The following AUTS2 variants were observed in gnomAD, a reference collection of about 807,000 sequenced individuals.
AUTS2 encodes activator of transcription and developmental regulator AUTS2, also known as autism susceptibility gene 2 protein.
In AUTS2, 17 loss-of-function variants were observed where a neutral mutation model predicts 112.4. The ratio of observed to expected loss-of-function variants is 0.15; its 90% CI spans 0.10 to 0.23. The LOEUF (loss-of-function observed/expected upper bound fraction) is 0.23, where lower values mean the gene tolerates loss of function less well. AUTS2 is among the 10% of genes least tolerant of loss of function. AUTS2 has a pLI of 1.00. For missense variants in AUTS2, 1,510 were observed against 1,701.6 expected (o/e 0.89, Z 1.98); for synonymous variants, 751 against 702.7 (o/e 1.07, Z -1.09).
In AUTS2 at chr7:70,124,117, T is replaced by G. The variant is rs191165545; in HGVS notation, c.624+5884T>G. On this transcript the variant is annotated intron_variant, in intron 3 of 18. Coordinates refer to ENST00000342771, the MANE Select transcript of AUTS2 (RefSeq NM_015570.4). ...CTCTGATGATCAGTGATATTGAGCT[T>G]TTTTTGTATAGGCTTGTTGGCTGCA... Among the ~76,000 whole-genome samples, 132 of 152,322 alleles carry G rather than the reference T, an allele frequency of 8.7e-4. 1 individual carries two copies. The highest frequency in any genetic ancestry group is 1.6e-3 in the Non-Finnish European group (106 of 68,028).
rs561382238 is a variant in AUTS2 at position 70,454,472 on chromosome 7, G to C, written c.690+18691G>C. Among the ~76,000 whole-genome samples the C allele has an allele frequency of 3.3e-5, 5 of 152,194 alleles. No individual in the cohort carries two copies. In the East Asian group the frequency reaches 9.7e-4, roughly 29 times the overall value. ...GAATCGCTTGAACCCAGGAGGCAGA[G>C]GTTGCAGTAAGCCGAGATCACGCCA... is the stretch of plus-strand genomic sequence containing the variant. On this transcript the variant is annotated intron_variant, in intron 5 of 18. Coordinates refer to ENST00000342771, the MANE Select transcript of AUTS2 (RefSeq NM_015570.4).
chr7:69,920,475 A>G (rs1340907328), intron 2 of AUTS2, among the ~76,000 whole-genome samples: 2 of 151,922 alleles, frequency 1.3e-5, no homozygotes, highest in African/African-American at 4.8e-5. Context: ...CGGGGGAGGC[A>G]GGGTTTTTCC....
intron 6 of AUTS2, among the ~76,000 whole-genome samples, chr7:70,728,752 T>C (rs1787184161): frequency 6.7e-6 from 1 of 149,022 alleles, no homozygotes; most frequent in Non-Finnish European, 1.5e-5. Context: ...GGCAGCACCG[T>C]GCAAGTTGTG....
At chr7:69,796,601 T>C (rs534231473) in intron 1 of AUTS2, among the ~76,000 whole-genome samples, 1 of 151,940 alleles carries the variant, frequency 6.6e-6, no homozygotes, top group Middle Eastern at 3.4e-3. Flanking sequence ...GAATTGGACA[T>C]TTTTGTGGTG....
chr7:69,937,321 G>A (rs180842070), intron 2 of AUTS2, among the ~76,000 whole-genome samples: 8 of 152,272 alleles, frequency 5.3e-5, no homozygotes, highest in African/African-American at 1.7e-4. Context: ...GTTTGGTCCC[G>A]GATGAAGCCT....
chr7:70,760,870 A>C (rs1789525439), intron 6 of AUTS2, among the ~76,000 whole-genome samples: 1 of 152,258 alleles, frequency 6.6e-6, no homozygotes, highest in Non-Finnish European at 1.5e-5. Context: ...CGCTTTGCCA[A>C]GTGCTCGGTC....
At chr7:70,442,559 C>T (rs1453014039) in intron 5 of AUTS2, among the ~76,000 whole-genome samples, 1 of 152,148 alleles carries the variant, frequency 6.6e-6, no homozygotes, top group African/African-American at 2.4e-5. Context: ...GGCGCAGTCT[C>T]GGTTCACTGA....
chr7:70,227,338 A>G (rs901780753), intron 4 of AUTS2, among the ~76,000 whole-genome samples: 3 of 130,070 alleles, frequency 2.3e-5, no homozygotes, highest in African/African-American at 9.9e-5. Flanking sequence ...CAACCTTTTT[A>G]AAGGTTTTAA....
rs995258278 is a variant in AUTS2, at chr7:69,601,616, G to T, written c.309+1654G>T. Among the ~76,000 whole-genome samples the T allele has an allele frequency of 5.9e-5, 9 of 152,130 alleles. No individual in the cohort carries two copies. In the South Asian group the frequency reaches 6.2e-4, roughly 11 times the overall value. On this transcript the variant is annotated intron_variant, in intron 1 of 18. Transcript: ENST00000342771. ...GGTGATGTTGGTGGTATTGGTGGTG[G>T]TCGTAGATTTTGATGTTAGTGATTG...
At chr7:70,258,644 A>G (rs1025518528) in intron 4 of AUTS2, among the ~76,000 whole-genome samples, 2 of 152,188 alleles carry the variant, frequency 1.3e-5, no homozygotes, top group African/African-American at 4.8e-5. Context: ...ACCAAGATGT[A>G]GGCTACCTTA....
intron 4 of AUTS2, among the ~76,000 whole-genome samples, chr7:70,363,921 A>G (rs1456287384): frequency 2.6e-5 from 4 of 152,148 alleles, no homozygotes; most frequent in Non-Finnish European, 4.4e-5. Context: ...ATGTTTTATT[A>G]TTAGAATCCT....
Position 70,467,130 on chromosome 7 carries a change from T to A in AUTS2, c.690+31349T>A, listed in dbSNP as rs116444259. Among the ~76,000 whole-genome samples the A allele has an allele frequency of 2.7e-3, 408 of 152,320 alleles. 1 individual carries two copies. Among genetic ancestry groups the A allele is most frequent in the African/African-American group, 8.9e-3 (372 of 41,566 alleles). On this transcript the variant is annotated intron_variant, in intron 5 of 18. Coordinates refer to ENST00000342771, the MANE Select transcript of AUTS2 (RefSeq NM_015570.4). ...AAACAAGGAAATAGAGACTCCAAAG[T>A]GATTGAGATAAACGTCTGACTTCCA... is the stretch of plus-strand genomic sequence containing the variant.
chr7:70,412,641 A>G (rs1006769629), intron 4 of AUTS2, among the ~76,000 whole-genome samples: 10 of 152,340 alleles, frequency 6.6e-5, no homozygotes, highest in African/African-American at 2.2e-4. Flanking sequence ...GTTTCTTTGC[A>G]TCTTGACTAC....
At chr7:69,921,327 G>GTTTTT (rs11289784) in intron 2 of AUTS2, among the ~76,000 whole-genome samples, 8 of 90,402 alleles carry the variant, frequency 8.8e-5, no homozygotes, top group Admixed American at 3.6e-4. Context: ...TAGACTTGAA[G>GTTTTT]TTTTTTTTTT....
chr7:70,326,315 G>A (rs1790483676), intron 4 of AUTS2, among the ~76,000 whole-genome samples: 2 of 152,120 alleles, frequency 1.3e-5, no homozygotes. Context: ...TTCTCCCAAG[G>A]CAGCCTTTCT....
chr7:70,410,442 A>C (rs1483294725), intron 4 of AUTS2, among the ~76,000 whole-genome samples: 2 of 144,698 alleles, frequency 1.4e-5, no homozygotes, highest in African/African-American at 5.2e-5. Context: ...TTATTTATTT[A>C]TTTCAAACAG....
chr7:70,487,956 G>A (rs935867413), intron 5 of AUTS2, among the ~76,000 whole-genome samples: 8 of 152,140 alleles, frequency 5.3e-5, no homozygotes, highest in Non-Finnish European at 4.4e-5. Flanking sequence ...CAAGAGAGAA[G>A]CCCCTCGTAG....
Position 70,049,999 on chromosome 7 carries a change from G to A in AUTS2, c.523-68133G>A, listed in dbSNP as rs575380137. Among the ~76,000 whole-genome samples, 14 of 152,186 alleles carry A rather than the reference G, an allele frequency of 9.2e-5. No individual in the cohort carries two copies. In the East Asian group the frequency reaches 1.5e-3, roughly 17 times the overall value. ...TGCTGCAACAGAAATTCCAAATTTAGGGCTAAAGAAATTATCAAACTGAAG... is the reference window on the plus strand; with the variant it reads ...TGCTGCAACAGAAATTCCAAATTTAAGGCTAAAGAAATTATCAAACTGAAG... On this transcript the variant is annotated intron_variant, in intron 2 of 18. Transcript: ENST00000342771.
chr7:70,220,751 C>T (rs1337725026), intron 4 of AUTS2, among the ~76,000 whole-genome samples: 3 of 152,100 alleles, frequency 2.0e-5, no homozygotes, highest in African/African-American at 4.8e-5. Flanking sequence ...CTGAGGATGG[C>T]GAAAATGTCA....
Sources: gnomAD v4.1 joint callset for allele counts (sites outside exome capture counted in the v4.1 genomes callset) on GRCh38, gnomAD v4.1.1 for gene constraint, MANE v1.5 for transcripts, NCBI Gene and HGNC (gene_info 2026-07-23, HGNC 2026-07-21) for gene names.